Variants in ANXA8 observed in about 807,000 individuals in gnomAD.
ANXA8 encodes the protein annexin A8.
Under a neutral mutation model 26.8 loss-of-function variants are expected in ANXA8, and 9 were observed. The ratio of observed to expected loss-of-function variants is 0.34; its 90% CI spans 0.20 to 0.59. The LOEUF is 0.59. Ranked by LOEUF, ANXA8 falls within the 20% of genes least tolerant of loss-of-function variation. ANXA8 has a pLI of 0.84. For missense variants in ANXA8, 83 were observed against 238.5 expected, an observed-to-expected ratio of 0.35 and a Z score of 4.29; for synonymous variants, 39 against 94.8, an observed-to-expected ratio of 0.41 and a Z score of 3.42.
At chr10:47,484,698 G>T (rs1839995195), upstream of ANXA8, 14 of 729,954 alleles carry the variant, frequency 1.9e-5, no homozygotes, top group Admixed American at 4.4e-4. Context: ...GCTGGTCATG[G>T]GGAGGTCTCG....
chr10:47,671,795 G>C, the ANXA8 span, among the ~76,000 whole-genome samples: 2 of 151,764 alleles, frequency 1.3e-5, no homozygotes, highest in Non-Finnish European at 2.9e-5. Context: ...TTTTGCCATT[G>C]ATGTCTAGAC....
At chr10:47,705,344 A>G in the ANXA8 span, among the ~76,000 whole-genome samples, 2 of 135,054 alleles carry the variant, frequency 1.5e-5, no homozygotes, top group Admixed American at 7.9e-5. Context: ...GTGTGTGTGT[A>G]TGAATGATAG....
chr10:47,620,490 TGCAGAAATTCCTATAATTATGAAA>T, the ANXA8 span, among the ~76,000 whole-genome samples: 1 of 82,566 alleles, frequency 1.2e-5, no homozygotes, highest in African/African-American at 4.8e-5. Context: ...TACATAATTA[TGCAGAAATTCCTATAATTATGAAA>T]ATAATTGCCT....
chr10:47,769,022 C>T, the ANXA8 span, among the ~76,000 whole-genome samples: 8 of 146,282 alleles, frequency 5.5e-5, no homozygotes, highest in East Asian at 2.0e-4. Context: ...ATGAAAGAGC[C>T]GGTGTGTGAT....
chr10:47,748,675 G>A, the ANXA8 span, among the ~76,000 whole-genome samples: 5 of 151,752 alleles, frequency 3.3e-5, no homozygotes, highest in Middle Eastern at 6.8e-3. Context: ...CTTTTGTAGA[G>A]GGGGGGGATC....
the ANXA8 span, among the ~76,000 whole-genome samples, chr10:47,699,363 A>AG: frequency 6.7e-6 from 1 of 148,294 alleles, no homozygotes; most frequent in African/African-American, 2.5e-5. Flanking sequence ...AAAAAAAAAA[A>AG]AAAAGAAAGA....
chr10:47,699,996 A>G, the ANXA8 span, among the ~76,000 whole-genome samples: 1 of 151,952 alleles, frequency 6.6e-6, no homozygotes, highest in East Asian at 1.9e-4. Flanking sequence ...TAAACACTCC[A>G]GAAAGAAATG....
the ANXA8 span, among the ~76,000 whole-genome samples, chr10:47,940,157 T>C: frequency 2.7e-5 from 4 of 150,864 alleles, no homozygotes; most frequent in African/African-American, 7.3e-5. Flanking sequence ...CTTGTTCCTG[T>C]TGGGCACTTA....
At chr10:47,730,502 A>T in the ANXA8 span, 1 of 602,372 alleles carries the variant, frequency 1.7e-6, no homozygotes, top group Non-Finnish European at 3.0e-6. Context: ...TTTTGAAATA[A>T]ATGAATGACA....
the ANXA8 span, among the ~76,000 whole-genome samples, chr10:47,555,392 C>A: frequency 6.6e-6 from 1 of 151,142 alleles, no homozygotes; most frequent in African/African-American, 2.4e-5. Context: ...GAGTTCTCTA[C>A]CTGAGCCCTA....
the ANXA8 span, among the ~76,000 whole-genome samples, chr10:47,552,456 A>C: frequency 6.6e-6 from 1 of 152,060 alleles, no homozygotes; most frequent in South Asian, 2.1e-4. Flanking sequence ...TAAAAAATTT[A>C]AAACGTTTTT....
upstream of ANXA8, among the ~76,000 whole-genome samples, chr10:47,489,048 T>C (rs1311109513): frequency 2.2e-3 from 309 of 142,756 alleles, 1 homozygote; most frequent in Non-Finnish European, 2.7e-3. Context: ...GACCGAGTCT[T>C]GCTCTGTAGC....
chr10:47,555,853 T>G, the ANXA8 span, among the ~76,000 whole-genome samples: 1 of 152,050 alleles, frequency 6.6e-6, no homozygotes, highest in Non-Finnish European at 1.5e-5. Flanking sequence ...ACAGTTTTCC[T>G]TTTATGTTTG....
At chr10:47,684,401 A>G in the ANXA8 span, among the ~76,000 whole-genome samples, 1 of 138,750 alleles carries the variant, frequency 7.2e-6, no homozygotes. Flanking sequence ...TAATAGGGCC[A>G]CTTTCTAGTC....
the ANXA8 span, among the ~76,000 whole-genome samples, chr10:47,774,143 T>A: frequency 6.9e-6 from 1 of 145,036 alleles, no homozygotes. Context: ...AAGCCTGAAC[T>A]GGCATAAACA....
chr10:47,589,903 T>TAGATA, the ANXA8 span, among the ~76,000 whole-genome samples: 76 of 125,710 alleles, frequency 6.0e-4, 3 homozygotes, highest in Middle Eastern at 3.8e-3. Flanking sequence ...GATAGATAGA[T>TAGATA]GATAGATAGA....
At chr10:47,942,409 G>C in the ANXA8 span, among the ~76,000 whole-genome samples, 1 of 143,422 alleles carries the variant, frequency 7.0e-6, no homozygotes, top group Non-Finnish European at 1.5e-5. Flanking sequence ...CCCACCAGCT[G>C]GTGTGAGAGG....
At chr10:47,733,211 TTCTTTCTTTC>T in the ANXA8 span, among the ~76,000 whole-genome samples, 9 of 82,314 alleles carry the variant, frequency 1.1e-4, no homozygotes, top group South Asian at 4.6e-4. Context: ...CTTTCTTTCT[TTCTTTCTTTC>T]TCTTTCTTTC....
chr10:47,972,481 G>C, the ANXA8 span, among the ~76,000 whole-genome samples: 2 of 129,972 alleles, frequency 1.5e-5, no homozygotes, highest in African/African-American at 3.0e-5. Context: ...GCTCCACTCT[G>C]GTGGGCTTGG....
Sources: gnomAD v4.1 joint callset for allele counts (sites outside exome capture counted in the v4.1 genomes callset) on GRCh38, gnomAD v4.1.1 for gene constraint, MANE v1.5 for transcripts, NCBI Gene and HGNC (gene_info 2026-07-23, HGNC 2026-07-21) for gene names.